Variants in WASHC4 observed in about 807,000 individuals in gnomAD.
WASHC4 encodes WASH complex subunit 4.
In WASHC4, 86 loss-of-function variants were observed where a neutral mutation model predicts 166.6. That is an observed-to-expected ratio of 0.52 (90% CI 0.43 to 0.62). The LOEUF (loss-of-function observed/expected upper bound fraction) is 0.62, where lower values mean the gene tolerates loss of function less well. WASHC4 is among the 20% of genes least tolerant of loss of function. The pLI, the probability that WASHC4 is intolerant of heterozygous loss-of-function variation, is 0.00. For missense variants in WASHC4, 1,262 were observed against 1,382.4 expected, an observed-to-expected ratio of 0.91 and a Z score of 1.38; for synonymous variants, 446 against 451.6, an observed-to-expected ratio of 0.99 and a Z score of 0.16.
At chr12:105,130,869 A>C (rs919112245) in intron 13 of WASHC4, among the ~76,000 whole-genome samples, 8 of 152,282 alleles carry the variant, frequency 5.3e-5, no homozygotes, top group African/African-American at 1.9e-4. Flanking sequence ...TCTTTGTTTC[A>C]ACCCCCCATG....
At chr12:105,135,427 G>A (rs1378819527) in intron 14 of WASHC4, among the ~76,000 whole-genome samples, 1 of 151,086 alleles carries the variant, frequency 6.6e-6, no homozygotes, top group Admixed American at 6.6e-5. Flanking sequence ...GCTTTTAAAG[G>A]TGTCATTTTA....
Position 105,107,747 on chromosome 12 carries a change from C to A in WASHC4, c.-54C>A. 1 of 1,335,294 alleles carries A rather than the reference C, an allele frequency of 7.5e-7. No individual in the cohort carries two copies. The highest frequency in any genetic ancestry group is 1.0e-6 in the Non-Finnish European group (1 of 954,992). 82.7% of individuals were successfully genotyped at this position (1,335,294 alleles called of 1,614,324 possible). A position where few individuals can be genotyped will look rare whatever the true frequency, so the allele number is the denominator to read the frequency against. The stretch of plus-strand genomic sequence containing the variant: ...TGCTGTGACAGTAGCTGGGGTGAGG[C>A]CGTCGTCGCCGCACGGGCTGGTTGG... On this transcript the variant is annotated 5_prime_UTR_variant, in exon 1 of 33. Coordinates refer to ENST00000332180, the MANE Select transcript of WASHC4 (RefSeq NM_015275.3).
Position 105,114,432 on chromosome 12 carries a change from T to C in WASHC4, c.321+5T>C. On this transcript the variant is annotated splice_donor_5th_base_variant and intron_variant, in intron 4 of 32. Transcript: ENST00000332180. ...ATCAAGAAATTAAAATATGAGGTAA[T>C]TATTTGAATTCTTGTCTTAAAACTT... The C allele has an allele frequency of 6.4e-7, 1 of 1,552,674 alleles. No individual in the cohort carries two copies. The highest frequency in any genetic ancestry group is 8.8e-7 in the Non-Finnish European group (1 of 1,135,520).
Position 105,147,116 on chromosome 12 carries a change from A to C in WASHC4, c.2484A>C (p.Arg828=). 6.2e-7 allele frequency: 1 copy of C among 1,608,136 alleles called. No individual in the cohort carries two copies. Among genetic ancestry groups the C allele is most frequent in the Non-Finnish European group, 8.5e-7 (1 of 1,174,570 alleles). The change falls in exon 24 of 33, where the codon CGA becomes CGC. Residue 828 remains arginine, a synonymous_variant. Coordinates refer to ENST00000332180, the MANE Select transcript of WASHC4 (RefSeq NM_015275.3). The part of the protein sequence containing the change: ...INIRHIANSI[R]THGTGIMNTT... Reference sequence around the variant, plus strand: ...TTCGGCATATTGCTAATTCAATTCGAACACATGGCACGGGAATTATGAATA... The same window carrying C: ...TTCGGCATATTGCTAATTCAATTCGCACACATGGCACGGGAATTATGAATA...
intron 13 of WASHC4, among the ~76,000 whole-genome samples, chr12:105,128,386 A>T (rs1043983322): frequency 6.6e-6 from 1 of 152,244 alleles, no homozygotes; most frequent in African/African-American, 2.4e-5. Flanking sequence ...TTTGAGTAGC[A>T]GTAAGTGGGG....
intron 2 of WASHC4, 139 bp from the exon 3 acceptor site, chr12:105,114,077 A>T: frequency 2.3e-5 from 15 of 638,682 alleles, no homozygotes; most frequent in Non-Finnish European, 2.5e-5. Context: ...GTTTTGGATG[A>T]AGTAGTTGAT....
At chr12:105,120,502 T>TAA in intron 7 of WASHC4, 53 bp from the exon 8 acceptor site, 1 of 1,052,630 alleles carries the variant, frequency 9.5e-7, no homozygotes, top group South Asian at 1.3e-5. Context: ...GAAATAAGAA[T>TAA]AAACTATGAC....
At chr12:105,154,740 G>A (rs1884017293) in intron 26 of WASHC4, among the ~76,000 whole-genome samples, 1 of 152,190 alleles carries the variant, frequency 6.6e-6, no homozygotes, top group Non-Finnish European at 1.5e-5. Context: ...TAGCTAACAT[G>A]TGGGAGACCA....
At chr12:105,159,942 AT>A in intron 28 of WASHC4, 58 bp from the exon 29 acceptor site, 2 of 1,509,508 alleles carry the variant, frequency 1.3e-6, no homozygotes, top group Non-Finnish European at 9.2e-7. Flanking sequence ...TGAGAGATGG[AT>A]TTTTTTCAAA....
chr12:105,142,557 A>T lies in WASHC4; in HGVS notation c.1892A>T (p.His631Leu), dbSNP rs188956992. 6.8e-7 allele frequency: 1 copy of T among 1,474,082 alleles called. No homozygotes were observed. Among genetic ancestry groups the T allele is most frequent in the East Asian group, 2.3e-5 (1 of 44,110 alleles). The allele number at this position is 1,474,082 out of a possible 1,614,324, so 91.3% of individuals were successfully genotyped here. A position where few individuals can be genotyped will look rare whatever the true frequency, so the allele number is the denominator to read the frequency against. The change falls in exon 19 of 33, where the codon CAT becomes CTT. Residue 631 changes from histidine (H) to leucine (L), a missense_variant and splice_region_variant. By Grantham distance (99) the His-to-Leu change is moderately conservative. Coordinates refer to ENST00000332180, the MANE Select transcript of WASHC4 (RefSeq NM_015275.3). ...YENAVDAARL[H>L]YMFSALRDCV... is the part of the protein sequence containing the mutation. ...AATGCTGTTGATGCAGCCAGATTAC[A>T]TGTAAGTAAAGAACAATATAAAGAA...
At chr12:105,154,389 AT>A (rs1029190021) in intron 26 of WASHC4, among the ~76,000 whole-genome samples, 23 of 152,224 alleles carry the variant, frequency 1.5e-4, no homozygotes, top group Admixed American at 1.4e-3. Flanking sequence ...TCTGATAAAT[AT>A]CTTGAGAAAA....
intron 1 of WASHC4, among the ~76,000 whole-genome samples, chr12:105,108,615 G>T (rs1458027683): frequency 1.3e-5 from 2 of 152,134 alleles, no homozygotes; most frequent in Non-Finnish European, 2.9e-5. Context: ...GTAAAATATT[G>T]AGGCCAAATT....
chr12:105,131,474 C>T (rs1881817470), intron 13 of WASHC4, among the ~76,000 whole-genome samples: 1 of 152,248 alleles, frequency 6.6e-6, no homozygotes, highest in African/African-American at 2.4e-5. Context: ...AAAGCCTCTG[C>T]ATTATCCTAT....
rs1424704418 is a variant in WASHC4, at chr12:105,143,185, A to G, written c.1952A>G (p.Glu651Gly). ...VPAMMHARHL[E>G]SYEILLDCYD... The stretch of plus-strand genomic sequence containing the variant: ...GCTATGATGCATGCAAGGCATTTAG[A>G]GTCCTATGAGATACTTCTGGATTGC... The change falls in exon 20 of 33, where the codon GAG becomes GGG. Residue 651 changes from glutamate (E) to glycine (G), a missense_variant. Coordinates refer to ENST00000332180, the MANE Select transcript of WASHC4 (RefSeq NM_015275.3). 1 of 1,611,490 alleles carries G rather than the reference A, an allele frequency of 6.2e-7. No homozygotes were observed. Among genetic ancestry groups the G allele is most frequent in the South Asian group, 1.1e-5 (1 of 90,990 alleles).
chr12:105,146,840 C>T (rs74547274), intron 23 of WASHC4, among the ~76,000 whole-genome samples: 8,496 of 152,164 alleles, frequency 0.056, 798 homozygotes, highest in African/African-American at 0.19. Flanking sequence ...TGACCACCAA[C>T]ATGACGCTCA....
At chr12:105,129,071 G>T (rs888295220) in intron 13 of WASHC4, among the ~76,000 whole-genome samples, 1 of 151,296 alleles carries the variant, frequency 6.6e-6, no homozygotes, top group Non-Finnish European at 1.5e-5. Flanking sequence ...TCAGCCTCCC[G>T]AGTAGCTGGG....
chr12:105,160,401 G>A (rs1377523509), intron 29 of WASHC4, among the ~76,000 whole-genome samples: 1 of 152,048 alleles, frequency 6.6e-6, no homozygotes, highest in Non-Finnish European at 1.5e-5. Context: ...AGGCTGGAGT[G>A]CAGTGGTGTG....
intron 1 of WASHC4, 116 bp from the exon 2 acceptor site, chr12:105,111,009 G>A (rs1196838): frequency 0.42 from 311,469 of 746,266 alleles, 67,788 homozygotes; most frequent in Middle Eastern, 0.54. Context: ...AGGAAGTCCA[G>A]ACATTCCAGA....
chr12:105,161,436 G>T (rs1020397997), intron 29 of WASHC4, among the ~76,000 whole-genome samples: 2 of 152,092 alleles, frequency 1.3e-5, no homozygotes, highest in Non-Finnish European at 2.9e-5. Context: ...TTAACTTGGG[G>T]TGAGTTCTCA....
Sources: gnomAD v4.1 joint callset for allele counts (sites outside exome capture counted in the v4.1 genomes callset) on GRCh38, gnomAD v4.1.1 for gene constraint, MANE v1.5 for transcripts, NCBI Gene and HGNC (gene_info 2026-07-23, HGNC 2026-07-21) for gene names.